The following DLG1 variants were observed in gnomAD, a reference collection of about 807,000 sequenced individuals.
DLG1 encodes disks large homolog 1.
In DLG1, 42 loss-of-function variants were observed where a neutral mutation model predicts 123.4. The ratio of observed to expected loss-of-function variants is 0.34; its 90% confidence interval spans 0.27 to 0.44. The LOEUF (loss-of-function observed/expected upper bound fraction) is 0.44, where lower values mean the gene tolerates loss of function less well. Ranked by LOEUF, DLG1 falls within the 20% of genes least tolerant of loss-of-function variation. The pLI, the probability that DLG1 is intolerant of heterozygous loss-of-function variation, is 1.00. For synonymous variants in DLG1, 317 were observed against 356.2 expected, an observed-to-expected ratio of 0.89 and a Z score of 1.24; for missense variants, 942 against 1,082.6, an observed-to-expected ratio of 0.87 and a Z score of 1.82.
intron 24 of DLG1, among the ~76,000 whole-genome samples, chr3:197,048,187 G>A (rs1724732232): frequency 6.6e-6 from 1 of 152,158 alleles, no homozygotes; most frequent in Non-Finnish European, 1.5e-5. Context: ...AAACCATAAT[G>A]AGGCTGGGTG....
intron 4 of DLG1, among the ~76,000 whole-genome samples, chr3:197,231,350 T>C (rs1455367853): frequency 6.6e-6 from 1 of 152,210 alleles, no homozygotes; most frequent in Non-Finnish European, 1.5e-5. Flanking sequence ...CTGTTATAAG[T>C]AGGCTTACAA....
At chr3:197,090,831 G>A in intron 15 of DLG1, 81 bp downstream of exon 15, 1 of 803,996 alleles carries the variant, frequency 1.2e-6, no homozygotes, top group Non-Finnish European at 2.0e-6. Flanking sequence ...GTAAAACTAA[G>A]TAAGTTATAG....
intron 8 of DLG1, 76 bp downstream of exon 8, chr3:197,140,064 T>C (rs1227014978): frequency 6.6e-6 from 10 of 1,508,070 alleles, no homozygotes; most frequent in Admixed American, 1.9e-5. Flanking sequence ...TTATTTGTAT[T>C]TATCCCTTAT....
intron 5 of DLG1, among the ~76,000 whole-genome samples, chr3:197,153,276 A>G (rs1794835732): frequency 1.3e-5 from 2 of 152,216 alleles, no homozygotes; most frequent in Admixed American, 1.3e-4. Flanking sequence ...GAAGCACCAC[A>G]AATCTGTTTC....
chr3:197,152,471 A>G (rs1794408301), intron 5 of DLG1, among the ~76,000 whole-genome samples: 1 of 117,700 alleles, frequency 8.5e-6, no homozygotes, highest in Admixed American at 1.1e-4. Flanking sequence ...CACCCAGGGT[A>G]GGACTTTTTA....
intron 3 of DLG1, among the ~76,000 whole-genome samples, chr3:197,283,765 G>C (rs1770472995): frequency 6.6e-6 from 1 of 151,304 alleles, no homozygotes; most frequent in Non-Finnish European, 1.5e-5. Context: ...GAATAACTTA[G>C]ACTTCTTGCT....
chr3:197,147,460 ACACACACAC>A (rs1791472450), intron 6 of DLG1, among the ~76,000 whole-genome samples: 1 of 149,982 alleles, frequency 6.7e-6, no homozygotes, highest in South Asian at 2.1e-4. Flanking sequence ...ACACACACAC[ACACACACAC>A]ACCATGGAAT....
chr3:197,296,955 G>GT (rs972891750), intron 2 of DLG1: 14 of 548,630 alleles, frequency 2.6e-5, no homozygotes, highest in African/African-American at 4.4e-5. Context: ...ACATCTGTTG[G>GT]GGGGGGGCTA....
At chr3:197,291,485 A>G (rs901825517) in intron 3 of DLG1, among the ~76,000 whole-genome samples, 8 of 152,250 alleles carry the variant, frequency 5.3e-5, no homozygotes, top group Admixed American at 5.2e-4. Flanking sequence ...GATTTCCATC[A>G]TCATAAACAT....
At chr3:197,070,254 T>C (rs79839157) in intron 18 of DLG1, 1 of 150,698 alleles carries the variant, frequency 6.6e-6, no homozygotes, top group African/African-American at 2.4e-5. Context: ...TTTTTTTTTT[T>C]AATTAAAGGG....
At chr3:197,214,012 GAAAC>G (rs1207282533) in intron 4 of DLG1, among the ~76,000 whole-genome samples, 1 of 152,066 alleles carries the variant, frequency 6.6e-6, no homozygotes, top group Non-Finnish European at 1.5e-5. Flanking sequence ...CAAACAAAGA[GAAAC>G]AAAGTGTTGA....
chr3:197,221,211 G>A (rs957325847), intron 4 of DLG1, among the ~76,000 whole-genome samples: 2 of 152,128 alleles, frequency 1.3e-5, no homozygotes, highest in Non-Finnish European at 2.9e-5. Context: ...ACAAAGAAGT[G>A]AGAAGGATAA....
intron 18 of DLG1, chr3:197,075,873 G>A (rs1295138982): frequency 1.1e-5 from 17 of 1,611,244 alleles, no homozygotes; most frequent in Non-Finnish European, 1.4e-5. Context: ...GGGATCTCCT[G>A]TAGAGGGTAG....
intron 4 of DLG1, among the ~76,000 whole-genome samples, chr3:197,214,274 C>T (rs1405809867): frequency 1.3e-5 from 2 of 152,050 alleles, no homozygotes; most frequent in African/African-American, 4.8e-5. Flanking sequence ...CTTGTTCCTA[C>T]CGTTGGAATG....
In DLG1 at chr3:197,044,626, T is replaced by G; in HGVS notation, c.2679A>C (p.Leu893=). ...SYIWVPAKEK[L] is the part of the protein sequence containing the mutation. ...AGAAACAGAGAAACATGAGTTTTCA[T>G]AGCTTTTCTTTTGCCGGAACCCAGA... Residue 893 remains leucine, a synonymous_variant, in exon 25 of 25, where the codon CTA becomes CTC. Transcript: ENST00000667157. The G allele has an allele frequency of 6.3e-7, 1 of 1,599,260 alleles. No individual in the cohort carries two copies. The highest frequency in any genetic ancestry group is 8.6e-7 in the Non-Finnish European group (1 of 1,169,334).
intron 4 of DLG1, among the ~76,000 whole-genome samples, chr3:197,270,731 T>C (rs963482083): frequency 6.6e-6 from 1 of 152,116 alleles, no homozygotes; most frequent in African/African-American, 2.4e-5. Flanking sequence ...GGTCCCCACC[T>C]TTACGCAATC....
chr3:197,123,456 T>C (rs985278406), intron 11 of DLG1, among the ~76,000 whole-genome samples: 3 of 152,110 alleles, frequency 2.0e-5, no homozygotes, highest in African/African-American at 7.2e-5. Flanking sequence ...GACATTGCAT[T>C]GAACAAGAGT....
At chr3:197,108,325 G>T (rs1767780001) in intron 13 of DLG1, among the ~76,000 whole-genome samples, 5 of 152,234 alleles carry the variant, frequency 3.3e-5, no homozygotes, top group Admixed American at 2.0e-4. Flanking sequence ...GAGCTGGAAA[G>T]CATTCCTCAT....
chr3:197,168,501 GCAAAGGTTTTAGA>G (rs1802504329), intron 5 of DLG1, among the ~76,000 whole-genome samples: 1 of 152,184 alleles, frequency 6.6e-6, no homozygotes, highest in African/African-American at 2.4e-5. Flanking sequence ...GATGCTTTGG[GCAAAGGTTTTAGA>G]GCAGGGTAAA....
Sources: gnomAD v4.1 joint callset for allele counts (sites outside exome capture counted in the v4.1 genomes callset) on GRCh38, gnomAD v4.1.1 for gene constraint, MANE v1.5 for transcripts, NCBI Gene and HGNC (gene_info 2026-07-23, HGNC 2026-07-21) for gene names.